The following IMMP1L variants were observed in gnomAD, a reference collection of about 807,000 sequenced individuals.
IMMP1L encodes mitochondrial inner membrane protease subunit 1.
Under a neutral mutation model 21.8 loss-of-function variants are expected in IMMP1L, and 24 were observed. That is an observed-to-expected ratio of 1.10 (90% CI 0.80 to 1.55). The LOEUF (loss-of-function observed/expected upper bound fraction) is 1.55. Among genes scored for constraint, IMMP1L ranks in the 40% most tolerant of loss-of-function variants. IMMP1L has a pLI of 0.00. For synonymous variants in IMMP1L, 46 were observed against 62.8 expected, an observed-to-expected ratio of 0.73 and a Z score of 1.26; for missense variants, 195 against 200.7, an observed-to-expected ratio of 0.97 and a Z score of 0.17.
At chr11:31,490,285 A>T (rs1422539328) in intron 1 of IMMP1L, among the ~76,000 whole-genome samples, 1 of 152,122 alleles carries the variant, frequency 6.6e-6, no homozygotes, top group Non-Finnish European at 1.5e-5. Flanking sequence ...CATCCCGGCC[A>T]ACATGGTGAA....
chr11:31,478,331 C>G (rs1031022944), intron 1 of IMMP1L, among the ~76,000 whole-genome samples: 4 of 152,194 alleles, frequency 2.6e-5, no homozygotes, highest in African/African-American at 9.7e-5. Context: ...TTGACAGCTC[C>G]TGTGAGGATA....
chr11:31,480,247 T>C (rs964751429), intron 1 of IMMP1L, among the ~76,000 whole-genome samples: 1 of 152,038 alleles, frequency 6.6e-6, no homozygotes, highest in Admixed American at 6.6e-5. Context: ...TACAGAGATT[T>C]GAGACATTTA....
chr11:31,441,302 T>C (rs914353912), intron 4 of IMMP1L, among the ~76,000 whole-genome samples: 1 of 151,678 alleles, frequency 6.6e-6, no homozygotes, highest in Non-Finnish European at 1.5e-5. Flanking sequence ...TTGAATTTTT[T>C]TAAAAGGTGT....
intron 1 of IMMP1L, among the ~76,000 whole-genome samples, chr11:31,502,045 A>G (rs1265193426): frequency 6.6e-6 from 1 of 152,052 alleles, no homozygotes; most frequent in East Asian, 1.9e-4. Context: ...TTGTATGAAA[A>G]TATCACCGAA....
chr11:31,503,851 A>G (rs1179190257), intron 1 of IMMP1L, among the ~76,000 whole-genome samples: 1 of 152,232 alleles, frequency 6.6e-6, no homozygotes, highest in Non-Finnish European at 1.5e-5. Context: ...AAATTCTGAG[A>G]GAAAGAAAGC....
At chr11:31,438,581 T>G (rs1297721400) in intron 4 of IMMP1L, among the ~76,000 whole-genome samples, 1 of 152,182 alleles carries the variant, frequency 6.6e-6, no homozygotes, top group African/African-American at 2.4e-5. Flanking sequence ...AATCTTTACC[T>G]GCCCCCAGAT....
intron 1 of IMMP1L, among the ~76,000 whole-genome samples, chr11:31,494,698 G>A (rs1955375687): frequency 6.6e-6 from 1 of 151,914 alleles, no homozygotes; most frequent in South Asian, 2.1e-4. Flanking sequence ...CTGGAGAGCA[G>A]TGGTGTGATC....
At chr11:31,472,124 T>G (rs529362588) in intron 1 of IMMP1L, among the ~76,000 whole-genome samples, 2 of 152,190 alleles carry the variant, frequency 1.3e-5, no homozygotes, top group Non-Finnish European at 2.9e-5. Context: ...AACTAGATAA[T>G]TCACAATGAT....
chr11:31,462,321 A>G (rs1954174634), intron 2 of IMMP1L, among the ~76,000 whole-genome samples: 1 of 133,072 alleles, frequency 7.5e-6, no homozygotes, highest in Non-Finnish European at 1.5e-5. Flanking sequence ...GTCTCCAAAA[A>G]AAAAAAAAAA....
intron 1 of IMMP1L, among the ~76,000 whole-genome samples, chr11:31,476,154 T>C (rs939465548): frequency 6.6e-6 from 1 of 152,112 alleles, no homozygotes; most frequent in African/African-American, 2.4e-5. Flanking sequence ...AAGATTTTAG[T>C]CCACTTATTT....
intron 1 of IMMP1L, among the ~76,000 whole-genome samples, chr11:31,505,633 G>A (rs1270878882): frequency 6.6e-6 from 1 of 152,130 alleles, no homozygotes; most frequent in Non-Finnish European, 1.5e-5. Context: ...AGACAAATTA[G>A]TATGTATTTC....
intron 3 of IMMP1L, 58 bp downstream of exon 3, chr11:31,460,568 C>T: frequency 9.7e-7 from 1 of 1,032,518 alleles, no homozygotes; most frequent in Non-Finnish European, 1.5e-6. Context: ...TGCAGAAAAG[C>T]CACAATGTGT....
intron 2 of IMMP1L, among the ~76,000 whole-genome samples, chr11:31,461,979 G>T (rs1365740903): frequency 6.6e-6 from 1 of 152,060 alleles, no homozygotes; most frequent in Admixed American, 6.6e-5. Flanking sequence ...CAGTTTGTTT[G>T]CTACCTTTGG....
intron 1 of IMMP1L, among the ~76,000 whole-genome samples, chr11:31,478,152 A>C (rs1478715258): frequency 6.6e-6 from 1 of 152,240 alleles, no homozygotes; most frequent in Non-Finnish European, 1.5e-5. Context: ...CAAGTGAATG[A>C]TATCAGGGGA....
chr11:31,461,648 T>C (rs973683752), intron 2 of IMMP1L, among the ~76,000 whole-genome samples: 1 of 152,148 alleles, frequency 6.6e-6, no homozygotes, highest in African/African-American at 2.4e-5. Context: ...TTTAAAATAG[T>C]GTATAACATT....
At chr11:31,487,490 T>G (rs887143375) in intron 1 of IMMP1L, among the ~76,000 whole-genome samples, 6 of 152,144 alleles carry the variant, frequency 3.9e-5, no homozygotes, top group African/African-American at 1.4e-4. Flanking sequence ...AAAATAATTT[T>G]GGGAGCACTT....
chr11:31,498,712 C>A (rs373290209), intron 1 of IMMP1L, among the ~76,000 whole-genome samples: 38 of 152,156 alleles, frequency 2.5e-4, no homozygotes, highest in African/African-American at 8.0e-4. Context: ...GACAGGCTAG[C>A]TCTATTGTGA....
At chr11:31,447,103 C>T (rs948186960) in intron 4 of IMMP1L, among the ~76,000 whole-genome samples, 1 of 152,146 alleles carries the variant, frequency 6.6e-6, no homozygotes, top group African/African-American at 2.4e-5. Flanking sequence ...ACTACCCTAA[C>T]GTGTACTGGC....
intron 1 of IMMP1L, among the ~76,000 whole-genome samples, chr11:31,470,816 A>G (rs140177858): frequency 3.2e-4 from 48 of 152,350 alleles, no homozygotes; most frequent in Middle Eastern, 3.4e-3. Flanking sequence ...ATCCTGTCAA[A>G]CAAGGCAACA....
Sources: gnomAD v4.1 joint callset for allele counts (sites outside exome capture counted in the v4.1 genomes callset) on GRCh38, gnomAD v4.1.1 for gene constraint, MANE v1.5 for transcripts, NCBI Gene and HGNC (gene_info 2026-07-23, HGNC 2026-07-21) for gene names.